Variants in APCDD1L observed in about 807,000 individuals in gnomAD.
APCDD1L encodes the protein APC down-regulated 1 like.
Under a neutral mutation model 24.2 loss-of-function variants are expected in APCDD1L, and 21 were observed. The ratio of observed to expected loss-of-function variants is 0.87; its 90% CI spans 0.61 to 1.25. APCDD1L has a LOEUF of 1.25. Among genes scored for constraint, APCDD1L ranks in the 50% most tolerant of loss-of-function variants. The pLI is 0.00. For synonymous variants in APCDD1L, 321 were observed against 323.6 expected (o/e 0.99, Z 0.09); for missense variants, 704 against 711.7 (o/e 0.99, Z 0.12).
intron 1 of APCDD1L, among the ~76,000 whole-genome samples, chr20:58,505,489 T>C (rs1990514663): frequency 1.3e-5 from 2 of 152,122 alleles, no homozygotes; most frequent in South Asian, 4.1e-4. Context: ...TTGCCTGTTG[T>C]TGGGTATTTA....
chr20:58,500,247 T>C (rs184718163), intron 1 of APCDD1L, among the ~76,000 whole-genome samples: 18 of 152,346 alleles, frequency 1.2e-4, no homozygotes, highest in African/African-American at 4.1e-4. Context: ...CAGTTTCCCA[T>C]TGACACAAAG....
At chr20:58,470,076 C>A (rs992285794) in intron 2 of APCDD1L, among the ~76,000 whole-genome samples, 3 of 152,192 alleles carry the variant, frequency 2.0e-5, no homozygotes, top group African/African-American at 7.2e-5. Flanking sequence ...CTCTCCCTGG[C>A]CTGCCACTTC....
intron 1 of APCDD1L, among the ~76,000 whole-genome samples, chr20:58,493,461 G>C (rs2123173113): frequency 1.3e-5 from 2 of 152,344 alleles, no homozygotes; most frequent in South Asian, 4.1e-4. Context: ...GATGATGGTA[G>C]ATAGAAGAAG....
In APCDD1L at chr20:58,513,440, A is replaced by G. The variant is rs368047232; in HGVS notation, c.49+1219T>C. On this transcript the variant is annotated intron_variant, in intron 1 of 3. Coordinates refer to ENST00000371149, the MANE Select transcript of APCDD1L (RefSeq NM_153360.3). ...GTCCCTTTCGACAGGTGAATCTGCAACTCTTCAAACTGCGGAGGCACCCTC... is the reference window on the plus strand; with the variant it reads ...GTCCCTTTCGACAGGTGAATCTGCAGCTCTTCAAACTGCGGAGGCACCCTC... Among the ~76,000 whole-genome samples the G allele has an allele frequency of 5.3e-5, 8 of 151,682 alleles. No homozygotes were observed. The East Asian group carries it at 7.8e-4, about 15-fold the overall frequency.
chr20:58,471,101 C>T (rs1459330869), intron 1 of APCDD1L, among the ~76,000 whole-genome samples: 1 of 152,196 alleles, frequency 6.6e-6, no homozygotes, highest in Non-Finnish European at 1.5e-5. Flanking sequence ...GCTCATCAGC[C>T]GTGGCTGAGT....
intron 1 of APCDD1L, among the ~76,000 whole-genome samples, chr20:58,484,128 G>A (rs1342141032): frequency 6.6e-6 from 1 of 152,240 alleles, no homozygotes; most frequent in African/African-American, 2.4e-5. Context: ...TATGGACAGA[G>A]AAGAGGGTCA....
intron 1 of APCDD1L, among the ~76,000 whole-genome samples, chr20:58,498,623 T>A (rs1252205815): frequency 2.0e-5 from 3 of 150,886 alleles, no homozygotes; most frequent in Admixed American, 2.0e-4. Context: ...TCCGGGAGAG[T>A]CTGTCTGGCC....
Position 58,467,141 on chromosome 20 carries a change from G to T in APCDD1L, c.706C>A (p.Pro236Thr). The T allele has an allele frequency of 6.2e-7, 1 of 1,607,970 alleles. No homozygotes were observed. The change falls in exon 3 of 4, where the codon CCC (proline) becomes ACC (threonine). Residue 236 changes from proline to threonine, a missense_variant. Transcript: ENST00000371149. This position sits in a 1 kb window ranked among gnomAD's most constrained non-coding sequence, Gnocchi z 5.9. Reference protein sequence around the residue: ...TDPAERRHYRPTGYQRPLQSA... With the variant: ...TDPAERRHYRTTGYQRPLQSA... ...TGCAGCGGGCGCTGGTAGCCCGTGG[G>T]CCGGTAGTGCCGCCTCTCCGCCGGG...
rs1021299380 is a variant in APCDD1L at position 58,467,711 on chromosome 20, GC to G, written c.189-54del. ...GTGCAGAGGGAACACCGCGCCGCGA[GC>G]CCCTCTCCCCTCTGGGCTGGGCTCC... is the stretch of plus-strand genomic sequence containing the variant. On this transcript the variant is annotated intron_variant, in intron 2 of 3. Coordinates refer to ENST00000371149, the MANE Select transcript of APCDD1L (RefSeq NM_153360.3). The surrounding 1 kb of genome is among the most constrained non-coding windows in gnomAD (Gnocchi z 5.9). The G allele has an allele frequency of 6.4e-6, 9 of 1,397,386 alleles. No individual in the cohort carries two copies. The African/African-American group carries it at 1.4e-4, about 21-fold the overall frequency. The allele number at this position is 1,397,386 out of a possible 1,614,324, so 86.6% of individuals were successfully genotyped here.
In APCDD1L at chr20:58,460,858, C is replaced by A. The variant is rs200471798; in HGVS notation, c.1438G>T (p.Gly480Cys). The change falls in exon 4 of 4, where the codon GGT becomes TGT. Residue 480 changes from glycine to cysteine, a missense_variant. Coordinates refer to ENST00000371149, the MANE Select transcript of APCDD1L (RefSeq NM_153360.3). The surrounding 1 kb of genome is among the most constrained non-coding windows in gnomAD (Gnocchi z 4.2). ...PSLQKHPSTG[G>C]LHIAPFPLLP... Reference sequence around the variant, plus strand: ...AGTGGGAAGGGGGCTATGTGAAGACCCCCTGTGCTGGGGTGCTTCTGCAGC... The same window carrying A: ...AGTGGGAAGGGGGCTATGTGAAGACACCCTGTGCTGGGGTGCTTCTGCAGC... The A allele has an allele frequency of 1.1e-5, 17 of 1,570,678 alleles. No homozygotes were observed. Among genetic ancestry groups the A allele is most frequent in the Non-Finnish European group, 8.6e-6 (10 of 1,156,460 alleles).
At chr20:58,499,898 G>A (rs529343624) in intron 1 of APCDD1L, among the ~76,000 whole-genome samples, 4 of 152,030 alleles carry the variant, frequency 2.6e-5, no homozygotes, top group East Asian at 1.9e-4. Context: ...GTCTCTCACC[G>A]TCCCTGGCCT....
intron 1 of APCDD1L, among the ~76,000 whole-genome samples, chr20:58,510,627 C>T (rs557629366): frequency 4.2e-4 from 64 of 152,284 alleles, no homozygotes; most frequent in Non-Finnish European, 6.6e-4. Context: ...CCACCATGCC[C>T]GGCCCAATTC....
At chr20:58,498,666 C>G (rs1239544728) in intron 1 of APCDD1L, among the ~76,000 whole-genome samples, 1 of 152,192 alleles carries the variant, frequency 6.6e-6, no homozygotes, top group Admixed American at 6.5e-5. Context: ...ACTTTGAGAC[C>G]AGCTGAAGCC....
At chr20:58,469,740 C>T (rs752407291) in intron 2 of APCDD1L, among the ~76,000 whole-genome samples, 2 of 152,174 alleles carry the variant, frequency 1.3e-5, no homozygotes, top group African/African-American at 2.4e-5. Flanking sequence ...CCAACGAAAG[C>T]GCTAGCAGAT....
At chr20:58,479,277 T>C (rs144336904) in intron 1 of APCDD1L, among the ~76,000 whole-genome samples, 55 of 152,264 alleles carry the variant, frequency 3.6e-4, no homozygotes, top group African/African-American at 7.9e-4. Flanking sequence ...TATGTGCTTT[T>C]CCCCCCCATA....
rs1600844378 is a variant in APCDD1L, at chr20:58,467,036, G to A, written c.741+70C>T. 2.6e-6 allele frequency: 4 copies of A among 1,511,720 alleles called. No homozygotes were observed. In the South Asian group the frequency reaches 5.1e-5, roughly 19 times the overall value. 93.6% of individuals were successfully genotyped at this position (1,511,720 alleles called of 1,614,324 possible). On this transcript the variant is annotated intron_variant, in intron 3 of 3. Coordinates refer to ENST00000371149, the MANE Select transcript of APCDD1L (RefSeq NM_153360.3). The surrounding 1 kb of genome is among the most constrained non-coding windows in gnomAD (Gnocchi z 5.9). ...CAGGCCCAGGTCTTGCAAAGCTGCG[G>A]GGCTGGGTTCCGAGCTCGCCTCCCC...
At chr20:58,469,649 G>A (rs1403344674) in intron 2 of APCDD1L, among the ~76,000 whole-genome samples, 14 of 152,220 alleles carry the variant, frequency 9.2e-5, no homozygotes, top group Non-Finnish European at 2.1e-4. Flanking sequence ...GGACTGTGCC[G>A]TGGGCGTGGG....
At chr20:58,504,617 C>T (rs1391819603) in intron 1 of APCDD1L, among the ~76,000 whole-genome samples, 5 of 152,218 alleles carry the variant, frequency 3.3e-5, no homozygotes, top group Non-Finnish European at 7.3e-5. Context: ...CATTGATCCA[C>T]CCACAGCTAC....
intron 1 of APCDD1L, among the ~76,000 whole-genome samples, chr20:58,471,567 G>A (rs1989812819): frequency 1.3e-5 from 2 of 152,244 alleles, no homozygotes; most frequent in Admixed American, 1.3e-4. Context: ...AGATGAGCTT[G>A]GCTGGGCCTG....
Sources: allele counts gnomAD v4.1 joint callset (sites outside exome capture counted in the v4.1 genomes callset), GRCh38; gene constraint gnomAD v4.1.1; non-coding constraint Gnocchi (gnomAD v3.1); transcripts MANE v1.5; gene names NCBI Gene and HGNC (gene_info 2026-07-23, HGNC 2026-07-21).